The following FAM107B variants were observed in gnomAD, a reference collection of about 807,000 sequenced individuals.
FAM107B encodes the protein protein FAM107B.
In FAM107B, 21 loss-of-function variants were observed where a neutral mutation model predicts 31.5. The observed-to-expected ratio is 0.67, with a 90% confidence interval of 0.47 to 0.96. FAM107B has a LOEUF of 0.96. Among genes scored for constraint, FAM107B ranks in the 40% least tolerant of loss-of-function variants. The pLI is 0.00. For missense variants in FAM107B, 452 were observed against 377.1 expected, an observed-to-expected ratio of 1.20 and a Z score of -1.64; for synonymous variants, 157 against 141.5, an observed-to-expected ratio of 1.11 and a Z score of -0.78.
rs530888514 is a variant in FAM107B at position 14,519,063 on chromosome 10, T to C, written c.*2127A>G. ...TAGCATAAGACACCACTTTACGCTA[T>C]TTACAAGTCTCCTTTTGGCCAGATT... is the stretch of plus-strand genomic sequence containing the variant. On this transcript the variant is annotated 3_prime_UTR_variant, in exon 5 of 5. Transcript: ENST00000181796. The C allele has an allele frequency of 2.6e-5, 4 of 152,506 alleles. No individual in the cohort carries two copies. Among genetic ancestry groups the C allele is most frequent in the East Asian group, 1.9e-4 (1 of 5,192 alleles). The allele number at this position is 152,506 out of a possible 1,614,324, so 9.4% of individuals were successfully genotyped here.
chr10:14,558,269 A>G (rs948560166), intron 2 of FAM107B, among the ~76,000 whole-genome samples: 8 of 152,078 alleles, frequency 5.3e-5, no homozygotes, highest in Non-Finnish European at 2.9e-5. Context: ...ACAGTCACAC[A>G]TACGTGCACG....
chr10:14,749,628 G>A (rs532634292), intron 1 of FAM107B, among the ~76,000 whole-genome samples: 7 of 152,250 alleles, frequency 4.6e-5, no homozygotes, highest in South Asian at 2.1e-4. Context: ...CGAGGCCTTC[G>A]CAGAGATGGG....
intron 2 of FAM107B, among the ~76,000 whole-genome samples, chr10:14,590,127 C>T (rs757919677): frequency 3.3e-4 from 50 of 152,318 alleles, no homozygotes; most frequent in Middle Eastern, 3.4e-3. Context: ...CACATCTAAG[C>T]GTTGGTTTAT....
At chr10:14,620,564 G>A (rs190802199) in intron 2 of FAM107B, among the ~76,000 whole-genome samples, 4 of 151,904 alleles carry the variant, frequency 2.6e-5, no homozygotes, top group South Asian at 2.1e-4. Context: ...TAAGTTCTGG[G>A]ATACATGTGC....
At chr10:14,766,699 C>T (rs976017083) in intron 1 of FAM107B, among the ~76,000 whole-genome samples, 15 of 151,628 alleles carry the variant, frequency 9.9e-5, no homozygotes, top group African/African-American at 3.4e-4. Context: ...CTTATAATGG[C>T]CATAGCTCAG....
intron 2 of FAM107B, among the ~76,000 whole-genome samples, chr10:14,585,848 T>C (rs1390665643): frequency 6.6e-6 from 1 of 152,164 alleles, no homozygotes; most frequent in Non-Finnish European, 1.5e-5. Flanking sequence ...CCATATTAAT[T>C]GTCGACCACA....
At chr10:14,716,391 A>T (rs531256643) in intron 1 of FAM107B, among the ~76,000 whole-genome samples, 11 of 152,228 alleles carry the variant, frequency 7.2e-5, no homozygotes, top group Non-Finnish European at 1.6e-4. Context: ...CAGGAGGCCC[A>T]GTGCCTTGCC....
chr10:14,524,973 G>A (rs1436495829), intron 3 of FAM107B, among the ~76,000 whole-genome samples: 1 of 152,176 alleles, frequency 6.6e-6, no homozygotes, highest in East Asian at 1.9e-4. Context: ...GATAAAATAT[G>A]TAGTAACAAA....
chr10:14,636,962 T>G (rs779068445), intron 2 of FAM107B, among the ~76,000 whole-genome samples: 3 of 152,246 alleles, frequency 2.0e-5, no homozygotes, highest in Middle Eastern at 3.4e-3. Flanking sequence ...CTGGAGGATT[T>G]ACTGATCTAG....
At chr10:14,566,425 ACCCACGT>A (rs768587264) in intron 2 of FAM107B, among the ~76,000 whole-genome samples, 4 of 152,004 alleles carry the variant, frequency 2.6e-5, no homozygotes, top group Non-Finnish European at 4.4e-5. Context: ...ACTGCAGGCG[ACCCACGT>A]CCCACAACTG....
chr10:14,703,174 T>C (rs1052958158), intron 1 of FAM107B, among the ~76,000 whole-genome samples: 3 of 152,134 alleles, frequency 2.0e-5, no homozygotes, highest in African/African-American at 7.2e-5. Flanking sequence ...GCTCTCCCCA[T>C]GTGCGTGCTA....
intron 2 of FAM107B, among the ~76,000 whole-genome samples, chr10:14,631,415 G>C (rs1853351562): frequency 6.6e-6 from 1 of 152,214 alleles, no homozygotes; most frequent in African/African-American, 2.4e-5. Context: ...TTAAACAGAA[G>C]AGATGAACCA....
chr10:14,617,236 G>T (rs1010450618), intron 2 of FAM107B, among the ~76,000 whole-genome samples: 1 of 152,152 alleles, frequency 6.6e-6, no homozygotes, highest in East Asian at 1.9e-4. Context: ...AGCCTTTCCT[G>T]TTGAGACCTG....
chr10:14,698,694 T>C (rs1340497305), intron 1 of FAM107B, among the ~76,000 whole-genome samples: 1 of 152,212 alleles, frequency 6.6e-6, no homozygotes, highest in Non-Finnish European at 1.5e-5. Context: ...GGCATTCATT[T>C]TACTGTATCC....
chr10:14,566,923 G>A (rs1042491016), intron 2 of FAM107B, among the ~76,000 whole-genome samples: 12 of 152,244 alleles, frequency 7.9e-5, no homozygotes, highest in South Asian at 4.1e-4. Flanking sequence ...AGGCCGAGGC[G>A]GGCAAAACAC....
rs558122455 is a variant in FAM107B, at chr10:14,769,030, G to C, written c.411+5223C>G. ...TAACTACAGATGTTGTCCCCACTGT[G>C]TGTTATTGGTTCTATTCTAACACAC... On this transcript the variant is annotated intron_variant, in intron 1 of 4. Coordinates refer to ENST00000181796, the MANE Select transcript of FAM107B (RefSeq NM_031453.4). Among the ~76,000 whole-genome samples, 3 of 152,324 alleles carry C rather than the reference G, an allele frequency of 2.0e-5. No homozygotes were observed. The East Asian group carries it at 5.8e-4, about 29-fold the overall frequency.
At chr10:14,728,980 G>A (rs576466951) in intron 1 of FAM107B, among the ~76,000 whole-genome samples, 7 of 152,080 alleles carry the variant, frequency 4.6e-5, no homozygotes, top group African/African-American at 1.7e-4. Context: ...AACTCTTCAA[G>A]TTAGATAGAT....
At chr10:14,539,488 TA>T (rs903742213) in intron 2 of FAM107B, among the ~76,000 whole-genome samples, 36 of 150,284 alleles carry the variant, frequency 2.4e-4, no homozygotes, top group Admixed American at 4.7e-4. Flanking sequence ...AAGCCAAAGT[TA>T]AAAAAAAACA....
At chr10:14,737,474 C>G (rs781118533) in intron 1 of FAM107B, among the ~76,000 whole-genome samples, 1 of 151,756 alleles carries the variant, frequency 6.6e-6, no homozygotes, top group African/African-American at 2.4e-5. Flanking sequence ...ATGAGCCGGG[C>G]GTGGTGACAG....
Sources: gnomAD v4.1 joint callset for allele counts (sites outside exome capture counted in the v4.1 genomes callset) on GRCh38, gnomAD v4.1.1 for gene constraint, MANE v1.5 for transcripts, NCBI Gene and HGNC (gene_info 2026-07-23, HGNC 2026-07-21) for gene names.